Variants in FMOD observed in about 807,000 individuals in gnomAD.
FMOD encodes the protein KSPG fibromodulin.
Under a neutral mutation model 27.0 loss-of-function variants are expected in FMOD, and 15 were observed. That is an observed-to-expected ratio of 0.55 (90% confidence interval 0.37 to 0.85). The LOEUF (loss-of-function observed/expected upper bound fraction) is 0.85, where lower values mean the gene tolerates loss of function less well. Among genes scored for constraint, FMOD ranks in the 40% least tolerant of loss-of-function variants. FMOD has a pLI of 0.00. For synonymous variants in FMOD, 210 were observed against 214.0 expected (o/e 0.98, Z 0.16); for missense variants, 460 against 483.2 (o/e 0.95, Z 0.45).
Position 203,348,073 on chromosome 1 carries a change from G to A in FMOD, c.198C>T (p.Gly66=), listed in dbSNP as rs780999394. 1 of 1,614,052 alleles carries A rather than the reference G, an allele frequency of 6.2e-7. No individual in the cohort carries two copies. Among genetic ancestry groups the A allele is most frequent in the Non-Finnish European group, 8.5e-7 (1 of 1,179,936 alleles). Residue 66 remains glycine, a synonymous_variant, in exon 2 of 3, where the codon GGC becomes GGT. Transcript: ENST00000354955. ...CGCGGGGATCTGGAGGGGATGGAGA[G>A]CCGTAGGTGTAGGCTGGCCCTTCAT... The part of the protein sequence containing the change: ...GVDEGPAYTY[G]SPSPPDPRDC...
At chr1:203,344,513 A>G (rs555558909) in intron 2 of FMOD, among the ~76,000 whole-genome samples, 3 of 152,176 alleles carry the variant, frequency 2.0e-5, no homozygotes, top group African/African-American at 7.2e-5. Flanking sequence ...CTACTGGTGT[A>G]CCCGCCCTGC....
At position 203,340,925 on chromosome 1, in the gene FMOD, C is replaced by CTA. The variant is rs1232071613; in HGVS notation, c.*1416_*1417dup. The CTA allele has an allele frequency of 2.6e-5, 4 of 152,270 alleles. No homozygotes were observed. The highest frequency in any genetic ancestry group is 7.2e-5 in the African/African-American group (3 of 41,468). The allele number at this position is 152,270 out of a possible 1,614,324, so 9.4% of individuals were successfully genotyped here. On this transcript the variant is annotated 3_prime_UTR_variant, in exon 3 of 3. Coordinates refer to ENST00000354955, the MANE Select transcript of FMOD (RefSeq NM_002023.5). ...GGATGTGATGGCATCTGGGCAGAGC[C>CTA]TATACTTGGGCTAACTCTCCTCCAA...
At position 203,347,816 on chromosome 1, in the gene FMOD, G is replaced by A. The variant is rs752935066; in HGVS notation, c.455C>T (p.Ser152Phe). The A allele has an allele frequency of 6.2e-7, 1 of 1,613,862 alleles. No homozygotes were observed. Among genetic ancestry groups the A allele is most frequent in the African/African-American group, 1.3e-5 (1 of 74,912 alleles). The change falls in exon 2 of 3, where the codon TCC (serine) becomes TTC (phenylalanine). Residue 152 changes from serine (S) to phenylalanine (F), a missense_variant. Transcript: ENST00000354955. ...TSDKVGRKVFSKLRHLERLYL... is the reference protein window; with the variant it reads ...TSDKVGRKVFFKLRHLERLYL... ...CAGCCTCTCCAGGTGCCTCAGCTTGGAGAAGACCTTCCTGCCCACCTTATC... is the reference window on the plus strand; with the variant it reads ...CAGCCTCTCCAGGTGCCTCAGCTTGAAGAAGACCTTCCTGCCCACCTTATC...
intron 2 of FMOD, among the ~76,000 whole-genome samples, chr1:203,343,154 A>G (rs1658826802): frequency 6.6e-6 from 1 of 152,198 alleles, no homozygotes; most frequent in Non-Finnish European, 1.5e-5. Flanking sequence ...AAAGTCAAAT[A>G]AATAATTTCC....
In FMOD at chr1:203,341,528, G is replaced by A. The variant is rs2102300136; in HGVS notation, c.*815C>T. The A allele has an allele frequency of 6.6e-6, 1 of 152,284 alleles. No homozygotes were observed. The highest frequency in any genetic ancestry group is 1.5e-5 in the Non-Finnish European group (1 of 68,042). The allele number at this position is 152,284 out of a possible 1,614,324, so 9.4% of individuals were successfully genotyped here. ...CAGATGCTGATGGTAAGCAAAGTCT[G>A]GCCTTTCCTCTTCTGAAGTCTTATC... On this transcript the variant is annotated 3_prime_UTR_variant, in exon 3 of 3. Coordinates refer to ENST00000354955, the MANE Select transcript of FMOD (RefSeq NM_002023.5).
intron 2 of FMOD, 134 bp downstream of exon 2, chr1:203,347,158 G>C: frequency 1.0e-6 from 1 of 969,074 alleles, no homozygotes; most frequent in African/African-American, 1.6e-5. Context: ...GGTATGGCTT[G>C]GTTGTCAGGT....
rs943855709 is a variant in FMOD, at chr1:203,347,342, G to T, written c.929C>A (p.Pro310Gln). 1 of 1,613,852 alleles carries T rather than the reference G, an allele frequency of 6.2e-7. No individual in the cohort carries two copies. Among genetic ancestry groups the T allele is most frequent in the African/African-American group, 1.3e-5 (1 of 74,912 alleles). Residue 310 changes from proline (P) to glutamine (Q), a missense_variant, in exon 2 of 3, where the codon CCA becomes CAA. Physicochemically the swap from Pro to Gln is moderately conservative, Grantham distance 76. Transcript: ENST00000354955. ...LSYNQLQKIP[P>Q]VNTNLENLYL... ...GAGGTTCTCCAGGTTGGTGTTGACT[G>T]GGGGGATCTTCTGCAGCTGGTTGTA...
At chr1:203,346,347 C>T (rs535895574) in intron 2 of FMOD, among the ~76,000 whole-genome samples, 1 of 151,950 alleles carries the variant, frequency 6.6e-6, no homozygotes, top group African/African-American at 2.4e-5. Flanking sequence ...CAAGTGCTGG[C>T]TCAGTACCTT....
intron 1 of FMOD, among the ~76,000 whole-genome samples, chr1:203,349,543 T>A (rs1352056909): frequency 6.6e-6 from 1 of 152,170 alleles, no homozygotes; most frequent in Non-Finnish European, 1.5e-5. Context: ...ATGCATGACA[T>A]ACTCCTGTGA....
intron 2 of FMOD, among the ~76,000 whole-genome samples, chr1:203,345,631 G>T (rs557946872): frequency 6.6e-6 from 1 of 152,322 alleles, no homozygotes; most frequent in South Asian, 2.1e-4. Context: ...GGGCGCGGTG[G>T]CTCATGCCTG....
chr1:203,344,650 G>T (rs532916505), intron 2 of FMOD, among the ~76,000 whole-genome samples: 1 of 152,060 alleles, frequency 6.6e-6, no homozygotes, highest in Non-Finnish European at 1.5e-5. Context: ...TCCCCTGTGC[G>T]CCCCTGAGCT....
chr1:203,350,411 G>A (rs943579539), intron 1 of FMOD, among the ~76,000 whole-genome samples: 2 of 152,144 alleles, frequency 1.3e-5, no homozygotes, highest in African/African-American at 4.8e-5. Context: ...AGCTACTGCT[G>A]TTCTTTCATT....
chr1:203,347,635 G>A lies in FMOD; in HGVS notation c.636C>T (p.Ile212=), dbSNP rs150446898. 1.6e-4 allele frequency: 264 copies of A among 1,614,166 alleles called. No homozygotes were observed. Among genetic ancestry groups the A allele is most frequent in the Non-Finnish European group, 1.5e-4 (174 of 1,180,032 alleles). ...LTALYLQHNE[I]QEVGSSMRGL... is the part of the protein sequence containing the mutation. The stretch of plus-strand genomic sequence containing the variant: ...CCCTCATGGAACTGCCCACTTCCTG[G>A]ATCTCATTGTGTTGGAGGTACAAGG... Residue 212 remains isoleucine, a synonymous_variant, in exon 2 of 3, where the codon ATC becomes ATT. Coordinates refer to ENST00000354955, the MANE Select transcript of FMOD (RefSeq NM_002023.5).
chr1:203,342,470 G>A lies in FMOD; in HGVS notation c.1004C>T (p.Thr335Ile), dbSNP rs1658812680. ...GGAGAAGTTCACGACGTCCACCACG[G>A]TGCAGAAGCTGCTGATGGAGAACTC... ...INEFSISSFC[T>I]VVDVVNFSKL... is the part of the protein sequence containing the mutation. The change falls in exon 3 of 3, where the codon ACC (threonine) becomes ATC (isoleucine). Residue 335 changes from threonine to isoleucine, a missense_variant. Transcript: ENST00000354955. The A allele has an allele frequency of 1.2e-6, 2 of 1,613,920 alleles. No individual in the cohort carries two copies. The highest frequency in any genetic ancestry group is 1.7e-6 in the Non-Finnish European group (2 of 1,179,908).
chr1:203,345,690 A>C (rs1018126646), intron 2 of FMOD, among the ~76,000 whole-genome samples: 6 of 152,204 alleles, frequency 3.9e-5, no homozygotes, highest in Non-Finnish European at 7.3e-5. Context: ...CGAGGTCAGG[A>C]GATCAAGACC....
intron 2 of FMOD, among the ~76,000 whole-genome samples, chr1:203,345,667 G>A (rs1026013802): frequency 6.6e-6 from 1 of 152,208 alleles, no homozygotes; most frequent in Non-Finnish European, 1.5e-5. Flanking sequence ...GGGAGGCCGA[G>A]GCAGGCAGAT....
Position 203,347,498 on chromosome 1 carries a change from G to A in FMOD, c.773C>T (p.Thr258Ile), listed in dbSNP as rs866220018. 5.0e-6 allele frequency: 8 copies of A among 1,614,192 alleles called. No individual in the cohort carries two copies. The African/African-American group carries it at 8.0e-5, about 16-fold the overall frequency. ...CCCCCGGAAGTAGCTATCGGGGACG[G>A]TGTAGACATTGTTGTGCTCCATGTA... ...QLYMEHNNVY[T>I]VPDSYFRGAP... Residue 258 changes from threonine to isoleucine, a missense_variant, in exon 2 of 3, where the codon ACC becomes ATC. Physicochemically the swap from Thr to Ile is moderately conservative, Grantham distance 89. Coordinates refer to ENST00000354955, the MANE Select transcript of FMOD (RefSeq NM_002023.5).
In FMOD at chr1:203,340,866, C is replaced by G. The variant is rs1658783220; in HGVS notation, c.*1477G>C. ...GTCCAAAGATCCCCTCTTCCCTTCT[C>G]AGGGAAGGTGCTTCAAAGCATACAC... On this transcript the variant is annotated 3_prime_UTR_variant, in exon 3 of 3. Coordinates refer to ENST00000354955, the MANE Select transcript of FMOD (RefSeq NM_002023.5). The G allele has an allele frequency of 6.6e-6, 1 of 152,266 alleles. No individual in the cohort carries two copies. The highest frequency in any genetic ancestry group is 2.4e-5 in the African/African-American group (1 of 41,452). 9.4% of individuals were successfully genotyped at this position (152,266 alleles called of 1,614,324 possible).
chr1:203,348,098 T>G lies in FMOD; in HGVS notation c.173A>C (p.Asp58Ala). ...GCCGTAGGTGTAGGCTGGCCCTTCA[T>G]CCACCCCATAGGGGTAAGGCTCGTA... is the stretch of plus-strand genomic sequence containing the variant. ...ETYEPYPYGV[D>A]EGPAYTYGSP... Residue 58 changes from aspartate (D) to alanine (A), a missense_variant, in exon 2 of 3, where the codon GAT (aspartate) becomes GCT (alanine). Transcript: ENST00000354955. 1 of 1,614,040 alleles carries G rather than the reference T, an allele frequency of 6.2e-7. No individual in the cohort carries two copies. Among genetic ancestry groups the G allele is most frequent in the Non-Finnish European group, 8.5e-7 (1 of 1,179,942 alleles).
Sources: allele counts gnomAD v4.1 joint callset (sites outside exome capture counted in the v4.1 genomes callset), GRCh38; gene constraint gnomAD v4.1.1; transcripts MANE v1.5; gene names NCBI Gene and HGNC (gene_info 2026-07-23, HGNC 2026-07-21).